The following PDK1 variants were observed in gnomAD, a reference collection of about 807,000 sequenced individuals.
PDK1 encodes pyruvate dehydrogenase kinase 1.
In PDK1, 39 loss-of-function variants were observed where a neutral mutation model predicts 54.2. The observed-to-expected ratio is 0.72, with a 90% CI of 0.56 to 0.94. The LOEUF is 0.94. Among genes scored for constraint, PDK1 ranks in the 40% least tolerant of loss-of-function variants. PDK1 has a pLI of 0.00. For missense variants in PDK1, 552 were observed against 566.0 expected, an observed-to-expected ratio of 0.98 and a Z score of 0.25; for synonymous variants, 221 against 207.1, an observed-to-expected ratio of 1.07 and a Z score of -0.58.
At chr2:172,679,259 A>C in the PDK1 span, among the ~76,000 whole-genome samples, 1 of 152,206 alleles carries the variant, frequency 6.6e-6, no homozygotes. Context: ...TAGCCTGGGC[A>C]ACATAGTGAG....
chr2:172,713,701 G>C, the PDK1 span, among the ~76,000 whole-genome samples: 1 of 152,236 alleles, frequency 6.6e-6, no homozygotes, highest in Admixed American at 6.5e-5. Context: ...GCGGACAGGG[G>C]GACTTCCTGG....
chr2:172,606,276 TC>T lies in PDK1; in HGVS notation c.*10309del, dbSNP rs1426181146. The T allele has an allele frequency of 2.0e-5, 3 of 152,226 alleles. No homozygotes were observed. Among genetic ancestry groups the T allele is most frequent in the Non-Finnish European group, 4.4e-5 (3 of 68,042 alleles). 9.4% of individuals were successfully genotyped at this position (152,226 alleles called of 1,614,324 possible). A position where few individuals can be genotyped will look rare whatever the true frequency, so the allele number is the denominator to read the frequency against. ...CTTTAGCAAAGCCAATTTGCCTGCA[TC>T]CTCTGGAAGGTAAAGAAGATCTCCT... is the stretch of plus-strand genomic sequence containing the variant. On this transcript the variant is annotated 3_prime_UTR_variant, in exon 11 of 11. Coordinates refer to ENST00000282077, the MANE Select transcript of PDK1 (RefSeq NM_002610.5).
the PDK1 span, among the ~76,000 whole-genome samples, chr2:172,627,420 T>C: frequency 1.3e-5 from 2 of 152,236 alleles, no homozygotes; most frequent in Non-Finnish European, 2.9e-5. Context: ...AGCATGCTTA[T>C]GTTTAAAGCA....
Position 172,608,580 on chromosome 2 carries a change from C to T in PDK1, c.*12611C>T, listed in dbSNP as rs1323152002. 6.6e-6 allele frequency: 1 copy of T among 152,136 alleles called. No homozygotes were observed. The highest frequency in any genetic ancestry group is 1.5e-5 in the Non-Finnish European group (1 of 68,014). 9.4% of individuals were successfully genotyped at this position (152,136 alleles called of 1,614,324 possible). On this transcript the variant is annotated 3_prime_UTR_variant, in exon 11 of 11. Coordinates refer to ENST00000282077, the MANE Select transcript of PDK1 (RefSeq NM_002610.5). ...GGATTTACCAATGGCCATTTTATCA[C>T]CTCCAAACTATCTTTTATTTTTTTG...
the PDK1 span, chr2:172,674,908 C>T: frequency 6.6e-6 from 1 of 152,242 alleles, no homozygotes; most frequent in Non-Finnish European, 1.5e-5. Context: ...ACTTCGCGGG[C>T]CCAGTTCCAT....
At chr2:172,585,473 G>A (rs1336672857) in intron 8 of PDK1, among the ~76,000 whole-genome samples, 1 of 151,810 alleles carries the variant, frequency 6.6e-6, no homozygotes, top group Non-Finnish European at 1.5e-5. Flanking sequence ...CTACAGGCAT[G>A]TGCCACCACA....
At chr2:172,718,846 T>C in the PDK1 span, among the ~76,000 whole-genome samples, 7 of 152,226 alleles carry the variant, frequency 4.6e-5, no homozygotes, top group Non-Finnish European at 1.5e-5. Context: ...GTGAAGTATA[T>C]GTTTATATAT....
the PDK1 span, among the ~76,000 whole-genome samples, chr2:172,637,360 C>T: frequency 1.1e-4 from 16 of 152,156 alleles, no homozygotes; most frequent in Admixed American, 9.2e-4. Flanking sequence ...CTTATTCTGC[C>T]TATTTCTCTT....
At chr2:172,665,926 C>G in the PDK1 span, among the ~76,000 whole-genome samples, 1 of 152,234 alleles carries the variant, frequency 6.6e-6, no homozygotes, top group South Asian at 2.1e-4. Flanking sequence ...CCTGGAGAAG[C>G]AGCAGTTATT....
chr2:172,595,747 C>G (rs192604747), intron 10 of PDK1, 82 bp from the exon 11 acceptor site: 1 of 1,139,704 alleles, frequency 8.8e-7, no homozygotes, highest in Non-Finnish European at 1.3e-6. Context: ...TTTGTCGTAA[C>G]CTTTTTGCCA....
At chr2:172,689,779 G>A in the PDK1 span, among the ~76,000 whole-genome samples, 369 of 137,308 alleles carry the variant, frequency 2.7e-3, 13 homozygotes, top group Non-Finnish European at 4.3e-3. Flanking sequence ...AATGGTGCTG[G>A]GAAAACTGGC....
intron 8 of PDK1, 136 bp from the exon 9 acceptor site, chr2:172,586,142 A>C (rs1690211359): frequency 2.0e-6 from 1 of 496,236 alleles, no homozygotes; most frequent in Non-Finnish European, 3.7e-6. Context: ...CTGGGCGACA[A>C]AGCGAGACTC....
At chr2:172,665,719 C>T in the PDK1 span, among the ~76,000 whole-genome samples, 5 of 152,178 alleles carry the variant, frequency 3.3e-5, no homozygotes, top group South Asian at 6.2e-4. Context: ...AGATATGCAG[C>T]GTTGGCATTT....
At chr2:172,571,823 C>CTTTTTTTTTTTTTT (rs36031428) in intron 8 of PDK1, among the ~76,000 whole-genome samples, 2 of 99,784 alleles carry the variant, frequency 2.0e-5, no homozygotes, top group Admixed American at 2.1e-4. Context: ...TCTTTCTTTA[C>CTTTTTTTTTTTTTT]TTTTTTTTTT....
chr2:172,600,512 T>C lies in PDK1; in HGVS notation c.*4543T>C, dbSNP rs527952500. 3.3e-5 allele frequency: 5 copies of C among 152,332 alleles called. No individual in the cohort carries two copies. In the East Asian group the frequency reaches 9.6e-4, roughly 29 times the overall value. The allele number at this position is 152,332 out of a possible 1,614,324, so 9.4% of individuals were successfully genotyped here. A position where few individuals can be genotyped will look rare whatever the true frequency, so the allele number is the denominator to read the frequency against. The stretch of plus-strand genomic sequence containing the variant: ...CTGTAATTGTGAAGCAGCCTCATTG[T>C]CTGGGGTAAATACCAAGGTTCTTGG... On this transcript the variant is annotated 3_prime_UTR_variant, in exon 11 of 11. Coordinates refer to ENST00000282077, the MANE Select transcript of PDK1 (RefSeq NM_002610.5).
the PDK1 span, among the ~76,000 whole-genome samples, chr2:172,624,700 T>C: frequency 6.6e-6 from 1 of 151,990 alleles, no homozygotes; most frequent in African/African-American, 2.4e-5. Context: ...GAGCTGAGAA[T>C]AAGAAGGAAG....
At chr2:172,629,308 A>G in the PDK1 span, among the ~76,000 whole-genome samples, 1 of 152,174 alleles carries the variant, frequency 6.6e-6, no homozygotes, top group African/African-American at 2.4e-5. Context: ...CCTTTTCCAA[A>G]ACCATCCTGG....
intron 8 of PDK1, among the ~76,000 whole-genome samples, chr2:172,571,299 G>T (rs1486670840): frequency 6.6e-6 from 1 of 152,154 alleles, no homozygotes; most frequent in East Asian, 1.9e-4. Flanking sequence ...AATGCTATGG[G>T]ACATGATATC....
chr2:172,722,552 G>C, the PDK1 span, among the ~76,000 whole-genome samples: 1 of 152,184 alleles, frequency 6.6e-6, no homozygotes, highest in Non-Finnish European at 1.5e-5. Context: ...CTGATGTATT[G>C]ACTCCAAATT....
Sources: allele counts gnomAD v4.1 joint callset (sites outside exome capture counted in the v4.1 genomes callset), GRCh38; gene constraint gnomAD v4.1.1; transcripts MANE v1.5; gene names NCBI Gene and HGNC (gene_info 2026-07-23, HGNC 2026-07-21).